Variants in TSHZ1 observed in about 807,000 individuals in gnomAD.
TSHZ1 encodes the protein teashirt zinc finger homeobox 1, also known as teashirt homolog 1.
TSHZ1 carries 12 observed loss-of-function variants against 67.1 expected under a neutral mutation model. The ratio of observed to expected loss-of-function variants is 0.18; its 90% CI spans 0.11 to 0.29. The LOEUF (loss-of-function observed/expected upper bound fraction) is 0.29, where lower values mean the gene tolerates loss of function less well. Ranked by LOEUF, TSHZ1 falls within the 10% of genes least tolerant of loss-of-function variation. The pLI is 1.00. For missense variants in TSHZ1, 1,305 were observed against 1,413.9 expected (o/e 0.92, Z 1.23); for synonymous variants, 632 against 622.4 (o/e 1.02, Z -0.23).
At chr18:75,216,698 G>A (rs2022772776) in intron 1 of TSHZ1, among the ~76,000 whole-genome samples, 1 of 152,222 alleles carries the variant, frequency 6.6e-6, no homozygotes, top group African/African-American at 2.4e-5. Context: ...GCTATTTTTT[G>A]TGGCTGCTTT....
At chr18:75,235,722 T>G (rs2023058976) in intron 1 of TSHZ1, among the ~76,000 whole-genome samples, 1 of 152,226 alleles carries the variant, frequency 6.6e-6, no homozygotes, top group Non-Finnish European at 1.5e-5. Flanking sequence ...AAAATTTCAT[T>G]GAGCAATGAA....
chr18:75,220,312 CTT>C (rs1290907082), intron 1 of TSHZ1, among the ~76,000 whole-genome samples: 4 of 152,118 alleles, frequency 2.6e-5, no homozygotes, highest in African/African-American at 9.7e-5. Flanking sequence ...TGAACCGACT[CTT>C]TTTTTACATT....
intron 1 of TSHZ1, among the ~76,000 whole-genome samples, chr18:75,259,047 T>C (rs1271455108): frequency 1.3e-5 from 2 of 152,184 alleles, no homozygotes. Flanking sequence ...AGGTAACCAA[T>C]AGGAGCCGCC....
At chr18:75,237,720 G>T (rs570338574) in intron 1 of TSHZ1, among the ~76,000 whole-genome samples, 1,845 of 152,090 alleles carry the variant, frequency 0.012, 16 homozygotes, top group South Asian at 0.023. Context: ...AGATGTTTTT[G>T]GAAACAGTCC....
At chr18:75,233,729 G>T (rs2023029338) in intron 1 of TSHZ1, among the ~76,000 whole-genome samples, 1 of 152,110 alleles carries the variant, frequency 6.6e-6, no homozygotes, top group South Asian at 2.1e-4. Flanking sequence ...TCCTTTTTGA[G>T]GAGTGACGTG....
intron 1 of TSHZ1, among the ~76,000 whole-genome samples, chr18:75,240,870 T>G (rs2023147195): frequency 6.6e-6 from 1 of 152,242 alleles, no homozygotes; most frequent in Admixed American, 6.5e-5. Context: ...TCAGTAATTT[T>G]TAACAGGTTT....
intron 1 of TSHZ1, among the ~76,000 whole-genome samples, chr18:75,277,073 G>A (rs142296945): frequency 1.4e-4 from 22 of 152,158 alleles, no homozygotes; most frequent in African/African-American, 2.7e-4. Flanking sequence ...TTTGGCAGAC[G>A]CTCTAATCAT....
At chr18:75,253,098 G>A (rs551642699) in intron 1 of TSHZ1, among the ~76,000 whole-genome samples, 1 of 152,224 alleles carries the variant, frequency 6.6e-6, no homozygotes, top group Admixed American at 6.5e-5. Flanking sequence ...CTACTATTAA[G>A]TTTTGTGAGT....
intron 1 of TSHZ1, chr18:75,285,060 A>G (rs1703850309): frequency 1.2e-5 from 2 of 170,284 alleles, no homozygotes; most frequent in East Asian, 1.6e-4. Flanking sequence ...ATGGGTGTTT[A>G]CAAATATTTG....
intron 1 of TSHZ1, 62 bp from the exon 2 acceptor site, chr18:75,285,386 G>T: frequency 7.1e-7 from 1 of 1,414,382 alleles, no homozygotes; most frequent in Non-Finnish European, 9.2e-7. Context: ...CTAACTGCTG[G>T]GGAGGCTGTC....
chr18:75,284,185 A>G (rs2023721509), intron 1 of TSHZ1: 1 of 152,652 alleles, frequency 6.6e-6, no homozygotes, highest in Admixed American at 6.5e-5. Flanking sequence ...GGTGTGTTGC[A>G]TAGTGAAGGA....
intron 1 of TSHZ1, among the ~76,000 whole-genome samples, chr18:75,239,024 A>G (rs9966769): frequency 0.14 from 21,186 of 148,434 alleles, 1,615 homozygotes; most frequent in Middle Eastern, 0.32. Flanking sequence ...GACGCTGCCC[A>G]GGCAAAGAGG....
At chr18:75,230,141 G>A (rs963118641) in intron 1 of TSHZ1, among the ~76,000 whole-genome samples, 1 of 152,292 alleles carries the variant, frequency 6.6e-6, no homozygotes, top group South Asian at 2.1e-4. Flanking sequence ...ATGAATCATG[G>A]CATCTATAGT....
intron 1 of TSHZ1, among the ~76,000 whole-genome samples, chr18:75,229,037 C>T (rs1044645106): frequency 6.6e-6 from 1 of 152,244 alleles, no homozygotes; most frequent in African/African-American, 2.4e-5. Flanking sequence ...GGTTTTGTTG[C>T]ATATGGTGGA....
At chr18:75,279,508 C>G (rs1002879492) in intron 1 of TSHZ1, among the ~76,000 whole-genome samples, 1 of 152,148 alleles carries the variant, frequency 6.6e-6, no homozygotes, top group South Asian at 2.1e-4. Flanking sequence ...CACTGCAGCC[C>G]CTCCCATGGG....
chr18:75,269,961 T>C (rs1440674021), intron 1 of TSHZ1, among the ~76,000 whole-genome samples: 1 of 152,236 alleles, frequency 6.6e-6, no homozygotes, highest in East Asian at 1.9e-4. Flanking sequence ...TAGCCTGTCA[T>C]AGCGGATACA....
chr18:75,248,964 G>A (rs2023258845), intron 1 of TSHZ1, among the ~76,000 whole-genome samples: 1 of 152,208 alleles, frequency 6.6e-6, no homozygotes, highest in African/African-American at 2.4e-5. Flanking sequence ...CCGCGTGGGA[G>A]GAGGCCCAGG....
chr18:75,231,305 C>A (rs1370854011), intron 1 of TSHZ1, among the ~76,000 whole-genome samples: 4 of 152,222 alleles, frequency 2.6e-5, no homozygotes, highest in African/African-American at 9.6e-5. Flanking sequence ...TTGCCCATTA[C>A]CACAACACTG....
intron 1 of TSHZ1, among the ~76,000 whole-genome samples, chr18:75,279,957 A>G (rs2023664899): frequency 6.6e-6 from 1 of 152,246 alleles, no homozygotes; most frequent in African/African-American, 2.4e-5. Flanking sequence ...TTTCAAAAAT[A>G]CAGATATTCG....
Sources: gnomAD v4.1 joint callset for allele counts (sites outside exome capture counted in the v4.1 genomes callset) on GRCh38, gnomAD v4.1.1 for gene constraint, MANE v1.5 for transcripts, NCBI Gene and HGNC (gene_info 2026-07-23, HGNC 2026-07-21) for gene names.